The following DAB1 variants were observed in gnomAD, a reference collection of about 807,000 sequenced individuals.
DAB1 encodes the protein disabled homolog 1.
In DAB1, 15 loss-of-function variants were observed where a neutral mutation model predicts 64.6. The observed-to-expected ratio is 0.23, with a 90% CI of 0.16 to 0.36. The LOEUF (loss-of-function observed/expected upper bound fraction) is 0.36, where lower values mean the gene tolerates loss of function less well. Ranked by LOEUF, DAB1 falls within the 10% of genes least tolerant of loss-of-function variation. The pLI is 1.00. For synonymous variants in DAB1, 235 were observed against 251.9 expected (o/e 0.93, Z 0.64); for missense variants, 596 against 706.7 (o/e 0.84, Z 1.78).
chr1:57,480,998 C>A (rs775824745), intron 7 of DAB1, among the ~76,000 whole-genome samples: 7 of 152,264 alleles, frequency 4.6e-5, no homozygotes, highest in Middle Eastern at 3.4e-3. Flanking sequence ...GCCTATAAAT[C>A]AGCACAACCT....
At chr1:57,901,221 C>T (rs1236847892) in intron 5 of DAB1, among the ~76,000 whole-genome samples, 1 of 152,066 alleles carries the variant, frequency 6.6e-6, no homozygotes, top group Non-Finnish European at 1.5e-5. Context: ...TTTATATTGG[C>T]CTAACCCCTA....
chr1:58,305,384 T>G (rs1662282253), intron 4 of DAB1, among the ~76,000 whole-genome samples: 1 of 152,222 alleles, frequency 6.6e-6, no homozygotes, highest in South Asian at 2.1e-4. Flanking sequence ...GGAGTCATTT[T>G]TATTTTGTTT....
chr1:57,452,869 A>G lies in DAB1; in HGVS notation n.626-161703T>C, dbSNP rs78102301. Among the ~76,000 whole-genome samples the G allele has an allele frequency of 4.9e-3, 744 of 152,140 alleles. 2 individuals carry two copies. Among genetic ancestry groups the G allele is most frequent in the Admixed American group, 8.4e-3 (128 of 15,272 alleles). Reference sequence around the variant, plus strand: ...GGAAGAAGGAAGAAAAGGAGGAAGGAAAGAAGAGAGAAAGAGGGAGGGAGG... The same window carrying G: ...GGAAGAAGGAAGAAAAGGAGGAAGGGAAGAAGAGAGAAAGAGGGAGGGAGG... On this transcript the variant is annotated intron_variant and non_coding_transcript_variant, in intron 7 of 20. Transcript: ENST00000485760.
chr1:58,484,594 C>T (rs769730890), intron 3 of DAB1, among the ~76,000 whole-genome samples: 4 of 152,018 alleles, frequency 2.6e-5, no homozygotes, highest in Non-Finnish European at 5.9e-5. Context: ...AGTTAAATGC[C>T]GGGCAAGGAA....
chr1:58,058,670 G>A (rs1031181373), intron 5 of DAB1, among the ~76,000 whole-genome samples: 9 of 152,090 alleles, frequency 5.9e-5, no homozygotes, highest in African/African-American at 2.2e-4. Context: ...TGAGAGATGC[G>A]GGCTTCTTGG....
At chr1:58,266,769 C>G (rs1159838772) in intron 4 of DAB1, among the ~76,000 whole-genome samples, 1 of 151,976 alleles carries the variant, frequency 6.6e-6, no homozygotes, top group Non-Finnish European at 1.5e-5. Flanking sequence ...TGAATGATGA[C>G]AAAAAACAAT....
intron 4 of DAB1, among the ~76,000 whole-genome samples, chr1:57,122,748 T>C (rs1656774149): frequency 6.6e-6 from 1 of 152,154 alleles, no homozygotes; most frequent in African/African-American, 2.4e-5. Context: ...CTCCATAAAT[T>C]ATACAAAATT....
chr1:57,223,362 T>C (rs1346445303), intron 2 of DAB1, among the ~76,000 whole-genome samples: 1 of 152,146 alleles, frequency 6.6e-6, no homozygotes, highest in African/African-American at 2.4e-5. Context: ...ACAACTTTGG[T>C]CCAGGGGTAT....
At chr1:57,345,051 C>T (rs1677970277) in intron 1 of DAB1, among the ~76,000 whole-genome samples, 1 of 152,148 alleles carries the variant, frequency 6.6e-6, no homozygotes, top group Admixed American at 6.5e-5. Flanking sequence ...CCTGGACCAT[C>T]TGTATTATCT....
chr1:57,678,324 C>T (rs1386330432), intron 6 of DAB1, among the ~76,000 whole-genome samples: 5 of 152,176 alleles, frequency 3.3e-5, no homozygotes, highest in Non-Finnish European at 1.5e-5. Flanking sequence ...CAACAGTAAA[C>T]TCAAACGCTG....
At chr1:57,663,357 A>T (rs1646409658) in intron 6 of DAB1, among the ~76,000 whole-genome samples, 1 of 152,180 alleles carries the variant, frequency 6.6e-6, no homozygotes, top group African/African-American at 2.4e-5. Flanking sequence ...TTTGGCGGGG[A>T]CACAAACCCA....
intron 2 of DAB1, among the ~76,000 whole-genome samples, chr1:57,160,275 T>G (rs1474200823): frequency 6.6e-6 from 1 of 152,226 alleles, no homozygotes. Context: ...TTCTTTTTCA[T>G]TGTCCTTTTG....
At chr1:57,985,801 A>G (rs1055952453) in intron 5 of DAB1, among the ~76,000 whole-genome samples, 3 of 152,172 alleles carry the variant, frequency 2.0e-5, no homozygotes, top group Non-Finnish European at 4.4e-5. Context: ...TATGTCACAC[A>G]AGCACAGAGA....
intron 5 of DAB1, among the ~76,000 whole-genome samples, chr1:58,109,550 C>A (rs1446917523): frequency 6.6e-6 from 1 of 151,924 alleles, no homozygotes. Flanking sequence ...TTGCTCTAGC[C>A]CAGGTGTCAT....
chr1:57,487,816 G>A (rs1024008418), intron 7 of DAB1, among the ~76,000 whole-genome samples: 4 of 152,126 alleles, frequency 2.6e-5, no homozygotes, highest in African/African-American at 9.7e-5. Context: ...ATTATGGGAC[G>A]CATGACTGTA....
At chr1:58,100,272 C>T (rs1651236326) in intron 5 of DAB1, among the ~76,000 whole-genome samples, 2 of 152,194 alleles carry the variant, frequency 1.3e-5, no homozygotes, top group South Asian at 4.1e-4. Context: ...TCCTTGGAAA[C>T]CACAATTCTA....
Position 58,524,820 on chromosome 1 carries a change from C to G in DAB1, n.107+2441G>C, listed in dbSNP as rs542238438. On this transcript the variant is annotated intron_variant and non_coding_transcript_variant, in intron 2 of 20. Coordinates refer to the DAB1 transcript ENST00000485760. The stretch of plus-strand genomic sequence containing the variant: ...TACTCAAGGTGTTTACAGTATTGCA[C>G]TAAACACAATGAAAAATATGCAAGA... 4.6e-5 allele frequency among the ~76,000 whole-genome samples: 7 copies of G among 152,258 alleles called. 1 individual carries two copies. The East Asian group carries it at 1.4e-3, about 29-fold the overall frequency.
intron 5 of DAB1, among the ~76,000 whole-genome samples, chr1:58,087,816 G>T (rs186075574): frequency 3.3e-5 from 5 of 152,280 alleles, no homozygotes; most frequent in Non-Finnish European, 7.4e-5. Context: ...GACATTTAAG[G>T]TCTACTCAAG....
intron 3 of DAB1, among the ~76,000 whole-genome samples, chr1:58,410,031 C>A (rs1644651707): frequency 6.6e-6 from 1 of 152,106 alleles, no homozygotes; most frequent in South Asian, 2.1e-4. Context: ...TCCCACAAAA[C>A]CTCTCGTTTT....
Sources: gnomAD v4.1 joint callset for allele counts (sites outside exome capture counted in the v4.1 genomes callset) on GRCh38, gnomAD v4.1.1 for gene constraint, MANE v1.5 for transcripts, NCBI Gene and HGNC (gene_info 2026-07-23, HGNC 2026-07-21) for gene names.